Variants in CALN1 observed in about 807,000 individuals in gnomAD.
The protein encoded by CALN1 is calcium-binding protein 8.
In CALN1, 17 loss-of-function variants were observed where a neutral mutation model predicts 30.6. The observed-to-expected ratio is 0.56, with a 90% CI of 0.38 to 0.83. The LOEUF is 0.83. Among genes scored for constraint, CALN1 ranks in the 40% least tolerant of loss-of-function variants. CALN1 has a pLI of 0.00. For missense variants in CALN1, 291 were observed against 354.9 expected (o/e 0.82, Z 1.45); for synonymous variants, 156 against 131.4 (o/e 1.19, Z -1.28).
chr7:72,260,152 T>C (rs1246739518), intron 3 of CALN1, among the ~76,000 whole-genome samples: 2 of 152,122 alleles, frequency 1.3e-5, no homozygotes, highest in South Asian at 2.1e-4. Context: ...TGAGCTATGA[T>C]TGCACCACTG....
chr7:72,448,573 G>A (rs1368404945), upstream of CALN1, among the ~76,000 whole-genome samples: 12 of 151,898 alleles, frequency 7.9e-5, no homozygotes, highest in Admixed American at 5.9e-4. Flanking sequence ...CGGTTTTTCC[G>A]AGATCTTTCT....
chr7:72,264,746 T>C (rs867470209), intron 3 of CALN1, among the ~76,000 whole-genome samples: 1 of 152,154 alleles, frequency 6.6e-6, no homozygotes, highest in Non-Finnish European at 1.5e-5. Flanking sequence ...ACTTGTGTCA[T>C]AGGGGTTTGC....
At chr7:72,495,830 T>C in the CALN1 span, among the ~76,000 whole-genome samples, 1 of 152,264 alleles carries the variant, frequency 6.6e-6, no homozygotes, top group Non-Finnish European at 1.5e-5. Flanking sequence ...CCTGAACTTT[T>C]ATTTTAATTA....
chr7:72,226,170 G>A (rs898180352), intron 3 of CALN1, among the ~76,000 whole-genome samples: 3 of 151,348 alleles, frequency 2.0e-5, no homozygotes, highest in Non-Finnish European at 2.9e-5. Context: ...GCTTGAATCC[G>A]GGAGATGGAG....
At chr7:72,332,942 T>C (rs1037451562) in intron 2 of CALN1, among the ~76,000 whole-genome samples, 1 of 152,196 alleles carries the variant, frequency 6.6e-6, no homozygotes, top group East Asian at 1.9e-4. Context: ...CAGCCACAAC[T>C]GACCATGCCA....
chr7:72,298,519 G>C (rs1799024362), intron 2 of CALN1, among the ~76,000 whole-genome samples: 1 of 152,178 alleles, frequency 6.6e-6, no homozygotes, highest in Admixed American at 6.6e-5. Flanking sequence ...CTTGGTCACT[G>C]TCTTGGGGTC....
At chr7:72,228,847 A>G (rs950474184) in intron 3 of CALN1, among the ~76,000 whole-genome samples, 2 of 151,140 alleles carry the variant, frequency 1.3e-5, no homozygotes, top group Non-Finnish European at 2.9e-5. Flanking sequence ...CTGCAACCTC[A>G]ACCTCCTGGG....
In CALN1 at chr7:72,343,344, T is replaced by G. The variant is rs1802470492; in HGVS notation, c.119+59907A>C. On this transcript the variant is annotated intron_variant, in intron 2 of 6. Coordinates refer to ENST00000395275, the MANE Select transcript of CALN1 (RefSeq NM_031468.4). ...GGTGGATCACTTGAGGTCAGGACTT[T>G]GAGACTAGCCTGGTCAACATGGTGA... Among the ~76,000 whole-genome samples, 4 of 152,044 alleles carry G rather than the reference T, an allele frequency of 2.6e-5. No individual in the cohort carries two copies. The South Asian group carries it at 8.3e-4, about 32-fold the overall frequency.
intron 3 of CALN1, among the ~76,000 whole-genome samples, chr7:72,260,188 G>A (rs1389965605): frequency 2.0e-5 from 3 of 152,200 alleles, no homozygotes; most frequent in Admixed American, 6.5e-5. Flanking sequence ...GACAGAGCAA[G>A]ACTCTGTTTC....
intron 2 of CALN1, among the ~76,000 whole-genome samples, chr7:72,336,232 C>G (rs760541171): frequency 6.6e-6 from 1 of 152,138 alleles, no homozygotes; most frequent in South Asian, 2.1e-4. Flanking sequence ...ATGACTCCGG[C>G]TTCGCGAAGA....
intron 2 of CALN1, among the ~76,000 whole-genome samples, chr7:72,302,825 G>A (rs1358807923): frequency 2.0e-5 from 3 of 150,166 alleles, no homozygotes; most frequent in Non-Finnish European, 4.4e-5. Flanking sequence ...AGCCCAGGAG[G>A]CGGCGGATGT....
chr7:72,337,857 G>A (rs1358528343), intron 2 of CALN1: 1 of 152,398 alleles, frequency 6.6e-6, no homozygotes, highest in Non-Finnish European at 1.5e-5. Flanking sequence ...TGGATCCGAT[G>A]GGAAGGAGAG....
At chr7:72,463,476 G>A in the CALN1 span, among the ~76,000 whole-genome samples, 48 of 152,078 alleles carry the variant, frequency 3.2e-4, no homozygotes, top group African/African-American at 1.1e-3. Context: ...ATTTTTCTGG[G>A]AGTTCAGGAA....
At chr7:72,170,436 G>C (rs1348191190) in intron 3 of CALN1, among the ~76,000 whole-genome samples, 4 of 152,192 alleles carry the variant, frequency 2.6e-5, no homozygotes, top group African/African-American at 9.7e-5. Flanking sequence ...AAGTCAACCA[G>C]ATGAGCAGCA....
chr7:72,053,730 TACCCATC>T (rs1402607705), intron 4 of CALN1, among the ~76,000 whole-genome samples: 1 of 152,156 alleles, frequency 6.6e-6, no homozygotes, highest in Non-Finnish European at 1.5e-5. Flanking sequence ...GAACATGGTG[TACCCATC>T]ACCCAGCAGT....
chr7:72,259,714 A>G (rs1796145997), intron 3 of CALN1, among the ~76,000 whole-genome samples: 1 of 152,170 alleles, frequency 6.6e-6, no homozygotes, highest in Admixed American at 6.5e-5. Flanking sequence ...GAATAACATA[A>G]ACACAGCAAG....
At chr7:72,393,589 T>C (rs1191769426) in intron 2 of CALN1, among the ~76,000 whole-genome samples, 1 of 152,220 alleles carries the variant, frequency 6.6e-6, no homozygotes, top group African/African-American at 2.4e-5. Flanking sequence ...ATGTACTCTG[T>C]TGATCATCAG....
chr7:72,235,796 A>C (rs935699987), intron 3 of CALN1, among the ~76,000 whole-genome samples: 2 of 151,886 alleles, frequency 1.3e-5, no homozygotes, highest in Non-Finnish European at 2.9e-5. Context: ...TGGAAGGCCA[A>C]GTTACAACCA....
chr7:72,329,984 A>T (rs1056814691), intron 2 of CALN1, among the ~76,000 whole-genome samples: 4 of 150,616 alleles, frequency 2.7e-5, no homozygotes, highest in Admixed American at 6.6e-5. Flanking sequence ...TACATAAATA[A>T]ATAAAAATAA....
Sources: allele counts gnomAD v4.1 joint callset (sites outside exome capture counted in the v4.1 genomes callset), GRCh38; gene constraint gnomAD v4.1.1; transcripts MANE v1.5; gene names NCBI Gene and HGNC (gene_info 2026-07-23, HGNC 2026-07-21).